The following CDON variants were observed in gnomAD, a reference collection of about 807,000 sequenced individuals.
CDON encodes cell adhesion associated, oncogene regulated, also known as cell adhesion molecule-related/down-regulated by oncogenes.
In CDON, 73 loss-of-function variants were observed where a neutral mutation model predicts 120.9. The ratio of observed to expected loss-of-function variants is 0.60; its 90% CI spans 0.50 to 0.73. CDON has a LOEUF of 0.73. Ranked by LOEUF, CDON falls within the 30% of genes least tolerant of loss-of-function variation. The probability of loss-of-function intolerance (pLI) is 0.00; values close to 1 mark genes in which losing one functional copy is unlikely to be tolerated. For missense variants in CDON, 1,470 were observed against 1,587.3 expected, an observed-to-expected ratio of 0.93 and a Z score of 1.26; for synonymous variants, 566 against 573.5, an observed-to-expected ratio of 0.99 and a Z score of 0.19.
intron 18 of CDON, among the ~76,000 whole-genome samples, chr11:125,971,772 G>A (rs144315057): frequency 8.5e-5 from 13 of 152,078 alleles, no homozygotes; most frequent in East Asian, 7.7e-4. Flanking sequence ...CTCTCGGTCC[G>A]TTCATCTGTG....
chr11:126,062,022 G>A (rs572117333), intron 1 of CDON, among the ~76,000 whole-genome samples: 1 of 152,360 alleles, frequency 6.6e-6, no homozygotes, highest in South Asian at 2.1e-4. Flanking sequence ...ATAGCGAGCT[G>A]TAATGTATTT....
chr11:125,974,791 A>G (rs1565496186), intron 18 of CDON, among the ~76,000 whole-genome samples: 1 of 151,974 alleles, frequency 6.6e-6, no homozygotes, highest in African/African-American at 2.4e-5. Flanking sequence ...TCATACTTCA[A>G]CTCTAAAACC....
At chr11:125,980,620 ACTGT>A (rs1364107986) in intron 17 of CDON, among the ~76,000 whole-genome samples, 1 of 152,160 alleles carries the variant, frequency 6.6e-6, no homozygotes, top group Non-Finnish European at 1.5e-5. Flanking sequence ...TCCTGAAGAC[ACTGT>A]CTGTGCTCTC....
At chr11:126,043,773 G>A (rs111678983) in intron 1 of CDON, among the ~76,000 whole-genome samples, 2,300 of 152,236 alleles carry the variant, frequency 0.015, 62 homozygotes, top group African/African-American at 0.052. Flanking sequence ...AGTGTGAATC[G>A]ATGGCCATGT....
At position 125,961,989 on chromosome 11, in the gene CDON, G is replaced by A. The variant is rs201399216; in HGVS notation, c.3366C>T (p.Thr1122=). 9 of 1,614,002 alleles carry A rather than the reference G, an allele frequency of 5.6e-6. No homozygotes were observed. The African/African-American group carries it at 6.7e-5, about 12-fold the overall frequency. ...TGCTGCTGAAAGTGCTGTTGGTTTT[G>A]GTGAAACACCTGCAGAGGTTAAACC... ...RNCRNNNRCF[T]KTNSTFSSSP... The change falls in exon 19 of 20, where the codon ACC becomes ACT. Residue 1122 remains threonine (T), a synonymous_variant. Coordinates refer to ENST00000531738, the MANE Select transcript of CDON (RefSeq NM_001378964.1).
At chr11:126,005,291 A>T in intron 9 of CDON, 1 of 188,030 alleles carries the variant, frequency 5.3e-6, no homozygotes, top group Non-Finnish European at 1.1e-5. Context: ...AACAGAGCAA[A>T]ACCCTGTCTC....
At chr11:126,021,792 C>A (rs1326974965) in intron 2 of CDON, among the ~76,000 whole-genome samples, 3 of 151,996 alleles carry the variant, frequency 2.0e-5, no homozygotes, top group African/African-American at 4.8e-5. Flanking sequence ...GATACAATAT[C>A]AATCCTATTA....
intron 1 of CDON, 89 bp from the exon 2 acceptor site, chr11:126,023,626 T>C (rs938048321): frequency 1.4e-6 from 1 of 705,198 alleles, no homozygotes; most frequent in Admixed American, 2.0e-5. Flanking sequence ...GCCATCTATT[T>C]TGAAAGCTCT....
intron 15 of CDON, among the ~76,000 whole-genome samples, chr11:125,985,260 G>A (rs559401684): frequency 9.0e-4 from 137 of 152,236 alleles, no homozygotes; most frequent in East Asian, 3.3e-3. Flanking sequence ...TTGCAGCCCC[G>A]TCTCCCAGGT....
intron 7 of CDON, among the ~76,000 whole-genome samples, chr11:126,013,251 T>C (rs983180667): frequency 1.3e-5 from 2 of 152,228 alleles, no homozygotes; most frequent in African/African-American, 4.8e-5. Context: ...TTATTTAGGA[T>C]ATTTACACCT....
intron 8 of CDON, among the ~76,000 whole-genome samples, chr11:126,007,331 C>T (rs1412678183): frequency 2.6e-5 from 4 of 152,318 alleles, no homozygotes; most frequent in South Asian, 2.1e-4. Flanking sequence ...CAGAAGCATC[C>T]TCCATCAGAG....
chr11:126,020,853 C>A (rs918703188), intron 3 of CDON, among the ~76,000 whole-genome samples: 5 of 152,154 alleles, frequency 3.3e-5, no homozygotes, highest in Non-Finnish European at 7.3e-5. Flanking sequence ...AGACAAAGGA[C>A]TCCAGGAAAT....
intron 15 of CDON, among the ~76,000 whole-genome samples, chr11:125,986,979 A>G (rs562548080): frequency 2.0e-5 from 3 of 152,336 alleles, no homozygotes; most frequent in African/African-American, 7.2e-5. Context: ...GGTATGTTAG[A>G]TTATACAATT....
chr11:126,057,169 T>G (rs1948700048), intron 1 of CDON, among the ~76,000 whole-genome samples: 1 of 152,154 alleles, frequency 6.6e-6, no homozygotes, highest in South Asian at 2.1e-4. Flanking sequence ...AAAAATGAGG[T>G]CATGGTTGTT....
chr11:126,059,456 T>G (rs973559341), intron 1 of CDON, among the ~76,000 whole-genome samples: 1 of 152,038 alleles, frequency 6.6e-6, no homozygotes, highest in African/African-American at 2.4e-5. Context: ...AGTCTTCTAA[T>G]GTAGCCTTCC....
intron 1 of CDON, among the ~76,000 whole-genome samples, chr11:126,060,210 T>C (rs1029070938): frequency 1.3e-5 from 2 of 152,218 alleles, no homozygotes; most frequent in African/African-American, 2.4e-5. Flanking sequence ...TAAAAAATAC[T>C]GTAAAAAAGC....
At chr11:126,039,819 A>T (rs1471484013) in intron 1 of CDON, among the ~76,000 whole-genome samples, 1 of 152,098 alleles carries the variant, frequency 6.6e-6, no homozygotes, top group Non-Finnish European at 1.5e-5. Context: ...CCTCCAAAAT[A>T]AGCCGAACTC....
At chr11:125,988,039 G>A (rs1002335004) in intron 15 of CDON, among the ~76,000 whole-genome samples, 3 of 152,284 alleles carry the variant, frequency 2.0e-5, no homozygotes, top group African/African-American at 7.2e-5. Context: ...ATCACCTGTA[G>A]AGACCCTGAT....
At chr11:125,968,251 C>T (rs1487673679) in intron 18 of CDON, among the ~76,000 whole-genome samples, 1 of 152,242 alleles carries the variant, frequency 6.6e-6, no homozygotes, top group African/African-American at 2.4e-5. Flanking sequence ...ACTCGCCAGA[C>T]AATGAGATGC....
Sources: gnomAD v4.1 joint callset for allele counts (sites outside exome capture counted in the v4.1 genomes callset) on GRCh38, gnomAD v4.1.1 for gene constraint, MANE v1.5 for transcripts, NCBI Gene and HGNC (gene_info 2026-07-23, HGNC 2026-07-21) for gene names.